The following EEPD1 variants were observed in gnomAD, a reference collection of about 807,000 sequenced individuals.
EEPD1 encodes the protein endonuclease/exonuclease/phosphatase family domain containing 1.
Under a neutral mutation model 46.3 loss-of-function variants are expected in EEPD1, and 17 were observed. That is an observed-to-expected ratio of 0.37 (90% CI 0.25 to 0.55). EEPD1 has a LOEUF of 0.55. Ranked by LOEUF, EEPD1 falls within the 20% of genes least tolerant of loss-of-function variation. The pLI is 0.83. For missense variants in EEPD1, 673 were observed against 745.6 expected, an observed-to-expected ratio of 0.90 and a Z score of 1.13; for synonymous variants, 313 against 315.6, an observed-to-expected ratio of 0.99 and a Z score of 0.09.
At chr7:36,278,506 C>T (rs866769851) in intron 3 of EEPD1, among the ~76,000 whole-genome samples, 34 of 7,668 alleles carry the variant, frequency 4.4e-3, no homozygotes, top group Non-Finnish European at 8.6e-3. Context: ...GGTGGGGGGG[C>T]GGTGGGGGGG....
chr7:36,299,238 C>A lies in EEPD1; in HGVS notation c.*32C>A, dbSNP rs770871529. 1.2e-6 allele frequency: 2 copies of A among 1,603,368 alleles called. No homozygotes were observed. The highest frequency in any genetic ancestry group is 1.7e-6 in the Non-Finnish European group (2 of 1,174,630). ...CAAATCCATGTGTCCACCCTGGGAC[C>A]CAGGAGGGCACAGCCAAGGAATGAG... is the stretch of plus-strand genomic sequence containing the variant. On this transcript the variant is annotated 3_prime_UTR_variant, in exon 8 of 8. Transcript: ENST00000242108.
At chr7:36,271,435 G>A (rs10951469) in intron 3 of EEPD1, among the ~76,000 whole-genome samples, 63,413 of 151,908 alleles carry the variant, frequency 0.42, 14,614 homozygotes, top group Non-Finnish European at 0.52. Flanking sequence ...TTCATATCCT[G>A]TGCCCACTTT....
intron 6 of EEPD1, among the ~76,000 whole-genome samples, chr7:36,294,216 A>C (rs914267119): frequency 3.9e-5 from 6 of 152,294 alleles, no homozygotes; most frequent in Non-Finnish European, 8.8e-5. Flanking sequence ...TTAAAATAAA[A>C]TTTGGGAATG....
rs373650513 is a variant in EEPD1, at chr7:36,154,763, C to A, written c.439C>A (p.Leu147Ile). The A allele has an allele frequency of 1.2e-6, 2 of 1,614,042 alleles. No homozygotes were observed. Among genetic ancestry groups the A allele is most frequent in the Non-Finnish European group, 1.7e-6 (2 of 1,180,046 alleles). Residue 147 changes from leucine (L) to isoleucine (I), a missense_variant, in exon 2 of 8, where the codon CTC becomes ATC. Coordinates refer to ENST00000242108, the MANE Select transcript of EEPD1 (RefSeq NM_030636.3). This position sits in a 1 kb window ranked among gnomAD's most constrained non-coding sequence, Gnocchi z 4.2. ...CATCAACACAGCCACCCCGGCCCAG[C>A]TCATGAGCGTGCGAGGCCTCTCGGA... The part of the protein sequence containing the change: ...VNINTATPAQ[L>I]MSVRGLSEKM...
At chr7:36,262,171 A>T (rs922026567) in intron 3 of EEPD1, among the ~76,000 whole-genome samples, 1 of 152,068 alleles carries the variant, frequency 6.6e-6, no homozygotes, top group African/African-American at 2.4e-5. Context: ...TGAAATGCAG[A>T]CGCATTTTTA....
intron 2 of EEPD1, among the ~76,000 whole-genome samples, chr7:36,201,971 A>G (rs1235885810): frequency 1.3e-5 from 2 of 152,224 alleles, no homozygotes; most frequent in Non-Finnish European, 2.9e-5. Flanking sequence ...TCCCTGGACC[A>G]GCAGCATCAG....
chr7:36,208,490 A>G (rs1190373395), intron 2 of EEPD1, among the ~76,000 whole-genome samples: 1 of 152,204 alleles, frequency 6.6e-6, no homozygotes, highest in African/African-American at 2.4e-5. Flanking sequence ...ATGCATTGGA[A>G]CAGTGTGGTG....
chr7:36,209,959 A>G (rs139307307), intron 2 of EEPD1, among the ~76,000 whole-genome samples: 7 of 152,038 alleles, frequency 4.6e-5, no homozygotes, highest in Non-Finnish European at 5.9e-5. Context: ...GAGATGACTG[A>G]GTCCAGCCAG....
chr7:36,202,392 A>C (rs1047271962), intron 2 of EEPD1, among the ~76,000 whole-genome samples: 1 of 151,870 alleles, frequency 6.6e-6, no homozygotes, highest in South Asian at 2.1e-4. Flanking sequence ...TTCTGCAGGG[A>C]CTTGGGTTTC....
Position 36,301,334 on chromosome 7 carries a change from A to G in EEPD1, c.*2128A>G, listed in dbSNP as rs1310549711. ...GTTTTGTATTTTGTTGTTTTAATTA[A>G]TAGGCTTTATTTGTAAGAGCAGTTT... On this transcript the variant is annotated 3_prime_UTR_variant, in exon 8 of 8. Coordinates refer to ENST00000242108, the MANE Select transcript of EEPD1 (RefSeq NM_030636.3). The G allele has an allele frequency of 6.6e-6, 1 of 152,238 alleles. No individual in the cohort carries two copies. Among genetic ancestry groups the G allele is most frequent in the Non-Finnish European group, 1.5e-5 (1 of 68,046 alleles). 9.4% of individuals were successfully genotyped at this position (152,238 alleles called of 1,614,324 possible).
intron 3 of EEPD1, among the ~76,000 whole-genome samples, chr7:36,275,872 C>T (rs1178298668): frequency 6.6e-6 from 1 of 152,190 alleles, no homozygotes; most frequent in African/African-American, 2.4e-5. Flanking sequence ...CCACAAGCAA[C>T]ATATCGGTTG....
At chr7:36,219,806 A>AGAGAGAGAGAGAGTGTGT (rs1341203087) in intron 2 of EEPD1, among the ~76,000 whole-genome samples, 1 of 75,400 alleles carries the variant, frequency 1.3e-5, no homozygotes. Flanking sequence ...AGAGAGAGAG[A>AGAGAGAGAGAGAGTGTGT]GTGTGTGTGT....
intron 2 of EEPD1, among the ~76,000 whole-genome samples, chr7:36,234,074 T>A (rs886556130): frequency 3.9e-5 from 6 of 152,090 alleles, no homozygotes; most frequent in Non-Finnish European, 5.9e-5. Context: ...CCCGCCACCA[T>A]GCCTGGGCTA....
chr7:36,243,575 ACT>A (rs1786590955), intron 3 of EEPD1, among the ~76,000 whole-genome samples: 1 of 152,126 alleles, frequency 6.6e-6, no homozygotes, highest in Admixed American at 6.5e-5. Context: ...CTGTGATAGA[ACT>A]GGTCGCTTCT....
At chr7:36,187,566 A>G (rs1376549446) in intron 2 of EEPD1, among the ~76,000 whole-genome samples, 2 of 152,158 alleles carry the variant, frequency 1.3e-5, no homozygotes, top group Admixed American at 6.5e-5. Flanking sequence ...ATGTTGTAGC[A>G]TGTGTCAGGA....
intron 2 of EEPD1, among the ~76,000 whole-genome samples, chr7:36,197,181 A>G (rs1260566294): frequency 6.8e-6 from 1 of 146,952 alleles, no homozygotes; most frequent in Non-Finnish European, 1.5e-5. Flanking sequence ...CCCGGCTGCC[A>G]CCCCGTCTGG....
intron 6 of EEPD1, among the ~76,000 whole-genome samples, chr7:36,291,320 T>C (rs1235618097): frequency 6.6e-6 from 1 of 152,202 alleles, no homozygotes; most frequent in Non-Finnish European, 1.5e-5. Flanking sequence ...GGTGTCGCAG[T>C]GGACAGCAGC....
At chr7:36,205,261 T>C (rs1785790819) in intron 2 of EEPD1, among the ~76,000 whole-genome samples, 1 of 152,228 alleles carries the variant, frequency 6.6e-6, no homozygotes, top group African/African-American at 2.4e-5. Context: ...GTGAGACTTT[T>C]TGTCCCTTAC....
intron 2 of EEPD1, among the ~76,000 whole-genome samples, chr7:36,158,010 A>G (rs1021193504): frequency 6.6e-6 from 1 of 152,212 alleles, no homozygotes; most frequent in Non-Finnish European, 1.5e-5. Flanking sequence ...TGTACCTGTA[A>G]TAAAAGAGTT....
Sources: allele counts gnomAD v4.1 joint callset (sites outside exome capture counted in the v4.1 genomes callset), GRCh38; gene constraint gnomAD v4.1.1; non-coding constraint Gnocchi (gnomAD v3.1); transcripts MANE v1.5; gene names NCBI Gene and HGNC (gene_info 2026-07-23, HGNC 2026-07-21).